TAPT1: variants seen among roughly 807,000 people sequenced by gnomAD.
The protein encoded by TAPT1 is transmembrane anterior posterior transformation 1, also known as transmembrane anterior posterior transformation protein 1 homolog.
In TAPT1, 28 loss-of-function variants were observed where a neutral mutation model predicts 65.6. The observed-to-expected ratio is 0.43, with a 90% CI of 0.32 to 0.59. The LOEUF is 0.59. Ranked by LOEUF, TAPT1 falls within the 20% of genes least tolerant of loss-of-function variation. TAPT1 has a pLI of 0.09. For synonymous variants in TAPT1, 278 were observed against 245.2 expected (o/e 1.13, Z -1.25); for missense variants, 563 against 679.9 (o/e 0.83, Z 1.91).
intron 1 of TAPT1, among the ~76,000 whole-genome samples, chr4:16,215,069 A>T (rs914535405): frequency 1.3e-5 from 2 of 152,130 alleles, no homozygotes; most frequent in Non-Finnish European, 2.9e-5. Flanking sequence ...AGGTGGGCAG[A>T]TCACGAGGTC....
chr4:16,216,979 C>T (rs1189668988), intron 1 of TAPT1, among the ~76,000 whole-genome samples: 3 of 152,210 alleles, frequency 2.0e-5, no homozygotes, highest in Non-Finnish European at 2.9e-5. Flanking sequence ...TCACACCTGC[C>T]TCCCCTGAAT....
chr4:16,200,796 A>G (rs779305184), intron 3 of TAPT1, among the ~76,000 whole-genome samples: 1 of 152,218 alleles, frequency 6.6e-6, no homozygotes, highest in Admixed American at 6.5e-5. Context: ...AGCTCCCAGG[A>G]GTGATAAAAG....
intron 8 of TAPT1, chr4:16,176,508 C>T: frequency 2.5e-5 from 5 of 200,228 alleles, no homozygotes; most frequent in Non-Finnish European, 5.0e-5. Flanking sequence ...CCAGCCTGGC[C>T]AAAATGGTGA....
intron 5 of TAPT1, among the ~76,000 whole-genome samples, chr4:16,187,739 A>G (rs1208637903): frequency 6.6e-6 from 1 of 152,196 alleles, no homozygotes; most frequent in Non-Finnish European, 1.5e-5. Context: ...TTACTCTCCA[A>G]TAGAAAAGCT....
Position 16,163,036 on chromosome 4 carries a change from T to TC in TAPT1, c.*271dup. The stretch of plus-strand genomic sequence containing the variant: ...AGATTTTGATGTTGCCTTTGTTGGG[T>TC]CCTGGAAATGATGCTGCTGCTTGGC... On this transcript the variant is annotated 3_prime_UTR_variant, in exon 14 of 14. Coordinates refer to ENST00000405303, the MANE Select transcript of TAPT1 (RefSeq NM_153365.3). The TC allele has an allele frequency of 1.9e-6, 1 of 539,728 alleles. No homozygotes were observed. The highest frequency in any genetic ancestry group is 3.5e-6 in the Non-Finnish European group (1 of 282,106). 33.4% of individuals were successfully genotyped at this position (539,728 alleles called of 1,614,324 possible). A position where few individuals can be genotyped will look rare whatever the true frequency, so the allele number is the denominator to read the frequency against.
At chr4:16,208,583 C>A (rs1279610510) in intron 2 of TAPT1, among the ~76,000 whole-genome samples, 4 of 152,178 alleles carry the variant, frequency 2.6e-5, no homozygotes, top group Non-Finnish European at 5.9e-5. Flanking sequence ...TACTAGAAGA[C>A]AACAAGCAAG....
Position 16,199,924 on chromosome 4 carries a change from T to C in TAPT1, c.449+2538A>G, listed in dbSNP as rs561817912. On this transcript the variant is annotated intron_variant, in intron 3 of 13. Coordinates refer to ENST00000405303, the MANE Select transcript of TAPT1 (RefSeq NM_153365.3). ...TCTTCTAATGCTATTTTATGTGCCC[T>C]GTACCCCCACGTAACAGGGGCTACA... Among the ~76,000 whole-genome samples the C allele has an allele frequency of 5.3e-5, 8 of 152,278 alleles. No homozygotes were observed. In the South Asian group the frequency reaches 1.7e-3, roughly 32 times the overall value.
chr4:16,180,089 C>A (rs529107103), intron 7 of TAPT1, among the ~76,000 whole-genome samples: 1 of 152,242 alleles, frequency 6.6e-6, no homozygotes, highest in South Asian at 2.1e-4. Flanking sequence ...TATTTCCAAT[C>A]TGGTAAATAG....
chr4:16,226,859 C>A, upstream of TAPT1: 1 of 226,418 alleles, frequency 4.4e-6, no homozygotes, highest in South Asian at 4.7e-5. Flanking sequence ...GCCGTGGAGC[C>A]CCGGAGAGGC....
Position 16,176,237 on chromosome 4 carries a change from A to G in TAPT1, c.998-9T>C, listed in dbSNP as rs760433072. 7.1e-7 allele frequency: 1 copy of G among 1,408,548 alleles called. No homozygotes were observed. The highest frequency in any genetic ancestry group is 2.4e-5 in the Admixed American group (1 of 41,182). 87.3% of individuals were successfully genotyped at this position (1,408,548 alleles called of 1,614,324 possible). ...CAACACCCAGAGATGATCTGTAAAT[A>G]GAAAAAAGAAAAACAACGAAATATC... is the stretch of plus-strand genomic sequence containing the variant. On this transcript the variant is annotated splice_polypyrimidine_tract_variant and intron_variant, in intron 8 of 13. Transcript: ENST00000405303.
At chr4:16,209,910 T>C (rs1750560710) in intron 2 of TAPT1, among the ~76,000 whole-genome samples, 1 of 152,068 alleles carries the variant, frequency 6.6e-6, no homozygotes, top group African/African-American at 2.4e-5. Context: ...CAAGTCAAGG[T>C]GGGGTATGGG....
At chr4:16,172,692 G>A (rs1748081694) in intron 11 of TAPT1, among the ~76,000 whole-genome samples, 1 of 152,170 alleles carries the variant, frequency 6.6e-6, no homozygotes, top group Admixed American at 6.5e-5. Context: ...AAGGAAGCTG[G>A]TCTAAAACAT....
In TAPT1 at chr4:16,166,737, T is replaced by C. The variant is rs773452270; in HGVS notation, c.1370A>G (p.Tyr457Cys). Reference protein sequence around the residue: ...SIVLLGKSCQYVKEAKMEEKL... With the variant: ...SIVLLGKSCQCVKEAKMEEKL... ...CTCTTCCATTTTGGCTTCCTTCACA[T>C]ACTGGCACGATTTCCCCAACAGCAC... Residue 457 changes from tyrosine to cysteine, a missense_variant, in exon 13 of 14, where the codon TAT becomes TGT. This residue lies in a region of TAPT1 where 136 missense variants were observed against 153.9 expected (regional missense o/e 0.88). Transcript: ENST00000405303. 1.2e-6 allele frequency: 2 copies of C among 1,613,956 alleles called. No homozygotes were observed. The highest frequency in any genetic ancestry group is 1.7e-6 in the Non-Finnish European group (2 of 1,179,882).
intron 7 of TAPT1, among the ~76,000 whole-genome samples, chr4:16,181,482 G>A (rs954464051): frequency 1.3e-5 from 2 of 152,186 alleles, no homozygotes; most frequent in African/African-American, 4.8e-5. Flanking sequence ...TATGGCAGCT[G>A]CAAGTATAGA....
chr4:16,199,106 G>A (rs1323089981), intron 3 of TAPT1, among the ~76,000 whole-genome samples: 1 of 151,930 alleles, frequency 6.6e-6, no homozygotes, highest in East Asian at 1.9e-4. Flanking sequence ...CCTGAACTCC[G>A]TTTCATTTAA....
rs368623637 is a variant in TAPT1, at chr4:16,166,620, G to T, written c.1474+13C>A. Reference sequence around the variant, plus strand: ...AAATGATCCAGGGAAGTGAAGAAAGGGACCAAACCTACCTTGAGAGGGTTT... The same window carrying T: ...AAATGATCCAGGGAAGTGAAGAAAGTGACCAAACCTACCTTGAGAGGGTTT... On this transcript the variant is annotated intron_variant, in intron 13 of 13. Coordinates refer to ENST00000405303, the MANE Select transcript of TAPT1 (RefSeq NM_153365.3). The T allele has an allele frequency of 2.4e-5, 38 of 1,611,572 alleles. No homozygotes were observed. The highest frequency in any genetic ancestry group is 3.1e-5 in the Non-Finnish European group (37 of 1,177,982).
Position 16,188,284 on chromosome 4 carries a change from A to G in TAPT1, c.684T>C (p.Pro228=). The G allele has an allele frequency of 6.2e-7, 1 of 1,612,728 alleles. No homozygotes were observed. The change falls in exon 5 of 14, where the codon CCT becomes CCC. Residue 228 remains proline (P), a synonymous_variant. Coordinates refer to ENST00000405303, the MANE Select transcript of TAPT1 (RefSeq NM_153365.3). ...CAATGTGGGCTCTTTTTCTTTCTTT[A>G]GGCTCTGTTGCTGTCCAATAGAGAG... The part of the protein sequence containing the change: ...LDALYWTATE[P]KERKRAHIGV...
At chr4:16,164,753 CG>C (rs1747473610) in intron 13 of TAPT1, among the ~76,000 whole-genome samples, 1 of 151,968 alleles carries the variant, frequency 6.6e-6, no homozygotes, top group Non-Finnish European at 1.5e-5. Flanking sequence ...AACTAATATG[CG>C]TAACAAGAGA....
intron 11 of TAPT1, 57 bp downstream of exon 11, chr4:16,174,147 A>C (rs903812124): frequency 3.8e-5 from 47 of 1,249,666 alleles, no homozygotes; most frequent in Non-Finnish European, 4.6e-5. Context: ...TCCATTTATT[A>C]ATATTCTATA....
Sources: allele counts gnomAD v4.1 joint callset (sites outside exome capture counted in the v4.1 genomes callset), GRCh38; gene constraint gnomAD v4.1.1; regional missense constraint gnomAD v4.1.1; transcripts MANE v1.5; gene names NCBI Gene and HGNC (gene_info 2026-07-23, HGNC 2026-07-21).